Variants in CDH4 observed in about 807,000 individuals in gnomAD.
CDH4 encodes cadherin-4.
A neutral mutation model predicts 86.0 loss-of-function variants in CDH4; 33 were observed. That is an observed-to-expected ratio of 0.38 (90% confidence interval 0.29 to 0.51). CDH4 has a LOEUF of 0.51. Ranked by LOEUF, CDH4 falls within the 20% of genes least tolerant of loss-of-function variation. The pLI is 0.86. For missense variants in CDH4, 1,114 were observed against 1,307.4 expected (o/e 0.85, Z 2.28); for synonymous variants, 555 against 549.4 (o/e 1.01, Z -0.14).
intron 2 of CDH4, among the ~76,000 whole-genome samples, chr20:61,720,647 C>T (rs146193700): frequency 0.011 from 1,072 of 96,324 alleles, 9 homozygotes; most frequent in Middle Eastern, 0.034. Context: ...AAGCCATCGT[C>T]TTGTGTCTGT....
chr20:61,614,561 C>G (rs142230415), intron 2 of CDH4, among the ~76,000 whole-genome samples: 1 of 152,188 alleles, frequency 6.6e-6, no homozygotes, highest in Non-Finnish European at 1.5e-5. Context: ...TAGTGGGACC[C>G]AGCCCTTATC....
intron 2 of CDH4, among the ~76,000 whole-genome samples, chr20:61,267,530 T>G (rs574871051): frequency 6.6e-6 from 1 of 152,270 alleles, no homozygotes; most frequent in African/African-American, 2.4e-5. Flanking sequence ...AATGGGGTAT[T>G]TTATATTGTA....
intron 2 of CDH4, among the ~76,000 whole-genome samples, chr20:61,354,875 C>T (rs1257885215): frequency 2.0e-5 from 3 of 152,180 alleles, no homozygotes; most frequent in African/African-American, 7.2e-5. Context: ...GAGCAGGGCA[C>T]AGGGAGCCTC....
chr20:61,924,538 G>C, intron 11 of CDH4, 62 bp downstream of exon 11: 10 of 1,561,092 alleles, frequency 6.4e-6, no homozygotes, highest in Non-Finnish European at 7.8e-6. Context: ...GGTTCTGTGG[G>C]CGAGGGAGGG....
chr20:61,576,075 C>G (rs534327580), intron 2 of CDH4, among the ~76,000 whole-genome samples: 97 of 152,186 alleles, frequency 6.4e-4, no homozygotes, highest in African/African-American at 2.2e-3. Flanking sequence ...AAGAGGGGGT[C>G]CAGAGGGTGT....
At chr20:61,309,241 TC>T (rs1441895959) in intron 2 of CDH4, among the ~76,000 whole-genome samples, 1 of 152,156 alleles carries the variant, frequency 6.6e-6, no homozygotes, top group East Asian at 1.9e-4. Context: ...TAGGGGGCTG[TC>T]CCTGTAGGGG....
chr20:61,496,331 G>A (rs868505766), intron 2 of CDH4, among the ~76,000 whole-genome samples: 2 of 152,000 alleles, frequency 1.3e-5, no homozygotes, highest in Middle Eastern at 3.4e-3. Context: ...GAACCAGGAG[G>A]AAGTTGAGGC....
At chr20:61,470,825 T>C (rs947882435) in intron 2 of CDH4, among the ~76,000 whole-genome samples, 3 of 152,210 alleles carry the variant, frequency 2.0e-5, no homozygotes, top group Non-Finnish European at 4.4e-5. Context: ...TTCATTCTGT[T>C]GATATATCAG....
intron 2 of CDH4, among the ~76,000 whole-genome samples, chr20:61,560,144 G>T (rs1176391164): frequency 6.6e-6 from 1 of 152,192 alleles, no homozygotes; most frequent in Non-Finnish European, 1.5e-5. Context: ...AAGACCCCCT[G>T]TGGCAGACCC....
Position 61,681,699 on chromosome 20 carries a change from C to T in CDH4, c.170-61864C>T, listed in dbSNP as rs1403259297. ...AGCCCCTAAAGAGCTTTCTGGGCAT[C>T]GGGAAAGTCCGGGCTCAGTGCATGT... is the stretch of plus-strand genomic sequence containing the variant. On this transcript the variant is annotated intron_variant, in intron 2 of 15. Transcript: ENST00000614565. This position sits in a 1 kb window ranked among gnomAD's most constrained non-coding sequence, Gnocchi z 4.5. Among the ~76,000 whole-genome samples, 3 of 152,170 alleles carry T rather than the reference C, an allele frequency of 2.0e-5. No homozygotes were observed. Among genetic ancestry groups the T allele is most frequent in the South Asian group, 2.1e-4 (1 of 4,830 alleles).
rs1412489041 is a variant in CDH4, at chr20:61,928,314, C to T, written c.1896C>T (p.Asn632=). 6.2e-7 allele frequency: 1 copy of T among 1,610,908 alleles called. No homozygotes were observed. The highest frequency in any genetic ancestry group is 8.5e-7 in the Non-Finnish European group (1 of 1,179,998). ...AGAAGCCCAACCTGAACGCCATCAA[C>T]ATCACGGCGGCCGACGCTGACGTCG... is the stretch of plus-strand genomic sequence containing the variant. The part of the protein sequence containing the change: ...ICEKPNLNAI[N]ITAADADVDP... The change falls in exon 12 of 16, where the codon AAC becomes AAT. Residue 632 remains asparagine, a synonymous_variant. Transcript: ENST00000614565.
intron 2 of CDH4, among the ~76,000 whole-genome samples, chr20:61,384,189 CT>C (rs2084938605): frequency 1.3e-5 from 2 of 152,082 alleles, no homozygotes; most frequent in African/African-American, 2.4e-5. Context: ...TGTTAATCTC[CT>C]TTGGTAACAC....
chr20:61,779,219 A>T (rs963031480), intron 4 of CDH4, among the ~76,000 whole-genome samples: 2 of 152,214 alleles, frequency 1.3e-5, no homozygotes, highest in African/African-American at 4.8e-5. Flanking sequence ...GTCCAGGGCA[A>T]CTGCAGGAAT....
intron 2 of CDH4, among the ~76,000 whole-genome samples, chr20:61,521,617 G>T (rs1252074070): frequency 6.6e-6 from 1 of 152,162 alleles, no homozygotes; most frequent in East Asian, 1.9e-4. Context: ...CAAGGTCGAG[G>T]AGTCACTGGG....
chr20:61,309,093 G>A (rs2084432051), intron 2 of CDH4, among the ~76,000 whole-genome samples: 2 of 152,256 alleles, frequency 1.3e-5, no homozygotes, highest in African/African-American at 4.8e-5. Context: ...TATGGCAACG[G>A]CAGAGCATGG....
intron 2 of CDH4, among the ~76,000 whole-genome samples, chr20:61,626,400 T>A (rs1423840119): frequency 6.6e-6 from 1 of 150,970 alleles, no homozygotes; most frequent in Admixed American, 6.6e-5. Context: ...GGCATTACTT[T>A]GGGCTCATGA....
At chr20:61,655,117 T>C (rs945890872) in intron 2 of CDH4, among the ~76,000 whole-genome samples, 24 of 152,240 alleles carry the variant, frequency 1.6e-4, no homozygotes, top group African/African-American at 5.8e-4. Context: ...TAATAGCATG[T>C]GTATGTGTGG....
chr20:61,422,358 A>AGGTTGCAG (rs2085182623), intron 2 of CDH4, among the ~76,000 whole-genome samples: 2 of 136,796 alleles, frequency 1.5e-5, no homozygotes, highest in Non-Finnish European at 3.1e-5. Flanking sequence ...CGGGTGGCAG[A>AGGTTGCAG]GGTTGCAGTG....
At chr20:61,926,152 A>G (rs897713933) in intron 11 of CDH4, among the ~76,000 whole-genome samples, 2 of 152,208 alleles carry the variant, frequency 1.3e-5, no homozygotes, top group South Asian at 4.1e-4. Flanking sequence ...GGGAGAAAAC[A>G]AAACAGGCGG....
Sources: allele counts gnomAD v4.1 joint callset (sites outside exome capture counted in the v4.1 genomes callset), GRCh38; gene constraint gnomAD v4.1.1; non-coding constraint Gnocchi (gnomAD v3.1); transcripts MANE v1.5; gene names NCBI Gene and HGNC (gene_info 2026-07-23, HGNC 2026-07-21).